Variants in BCL2L13 observed in about 807,000 individuals in gnomAD.
The protein encoded by BCL2L13 is BCL2 like 13.
In BCL2L13, 13 loss-of-function variants were observed where a neutral mutation model predicts 25.8. The ratio of observed to expected loss-of-function variants is 0.50; its 90% CI spans 0.33 to 0.80. BCL2L13 has a LOEUF of 0.80. Among genes scored for constraint, BCL2L13 ranks in the 30% least tolerant of loss-of-function variants. The pLI, the probability that BCL2L13 is intolerant of heterozygous loss-of-function variation, is 0.02. For missense variants in BCL2L13, 504 were observed against 574.9 expected (o/e 0.88, Z 1.26); for synonymous variants, 244 against 230.3 (o/e 1.06, Z -0.54).
chr22:17,706,901 A>G (rs1253091276), intron 6 of BCL2L13: 51 of 1,164,252 alleles, frequency 4.4e-5, no homozygotes, highest in Non-Finnish European at 6.0e-5. Context: ...TAGATTCCAT[A>G]AAAGATTACT....
chr22:17,706,674 G>T (rs2060600553), intron 6 of BCL2L13: 1 of 1,321,934 alleles, frequency 7.6e-7, no homozygotes, highest in Non-Finnish European at 9.9e-7. Flanking sequence ...TTGCCCTGCA[G>T]CCCGGTGAGG....
chr22:17,654,516 G>A (rs945436331), intron 1 of BCL2L13, among the ~76,000 whole-genome samples: 1 of 151,764 alleles, frequency 6.6e-6, no homozygotes. Flanking sequence ...TCCGCCTTCC[G>A]GGTTTATGCC....
chr22:17,628,917 C>T, exon 1 of BCL2L13: 1 of 510,286 alleles, frequency 2.0e-6, no homozygotes. Flanking sequence ...GTATTTTTTT[C>T]CTAAACTGGG....
chr22:17,721,329 G>A (rs1207892557), intron 6 of BCL2L13, among the ~76,000 whole-genome samples: 1 of 152,100 alleles, frequency 6.6e-6, no homozygotes, highest in Non-Finnish European at 1.5e-5. Flanking sequence ...GGAAGTAGCA[G>A]AGCCCTGTTC....
intron 2 of BCL2L13, among the ~76,000 whole-genome samples, chr22:17,670,612 G>A (rs893327058): frequency 1.3e-5 from 2 of 152,036 alleles, no homozygotes; most frequent in Non-Finnish European, 2.9e-5. Flanking sequence ...GACCTCGGCT[G>A]CTTCGGCCTC....
Position 17,730,544 on chromosome 22 carries a change from G to A in BCL2L13, c.*3010G>A, listed in dbSNP as rs2145860501. The A allele has an allele frequency of 6.6e-6, 1 of 152,266 alleles. No homozygotes were observed. Among genetic ancestry groups the A allele is most frequent in the Admixed American group, 6.5e-5 (1 of 15,286 alleles). The allele number at this position is 152,266 out of a possible 1,614,324, so 9.4% of individuals were successfully genotyped here. On this transcript the variant is annotated 3_prime_UTR_variant, in exon 7 of 7. Coordinates refer to ENST00000317582, the MANE Select transcript of BCL2L13 (RefSeq NM_015367.4). ...TAGTCTCCTTGCCTTTCTCCTGAAA[G>A]GTATGAGATGTGGACATTTCAGTGT...
At chr22:17,658,203 A>G (rs1417859172) in intron 2 of BCL2L13, among the ~76,000 whole-genome samples, 1 of 151,772 alleles carries the variant, frequency 6.6e-6, no homozygotes, top group Non-Finnish European at 1.5e-5. Flanking sequence ...GCAAATTTTA[A>G]TTCATTTTTT....
chr22:17,673,606 T>C (rs1325824265), intron 2 of BCL2L13, among the ~76,000 whole-genome samples: 2 of 151,436 alleles, frequency 1.3e-5, no homozygotes, highest in African/African-American at 2.4e-5. Flanking sequence ...CTCGATCTCC[T>C]GACCTCGTGA....
At chr22:17,723,735 C>A (rs367599860) in intron 6 of BCL2L13, among the ~76,000 whole-genome samples, 18 of 152,182 alleles carry the variant, frequency 1.2e-4, no homozygotes, top group East Asian at 3.9e-4. Flanking sequence ...GAGATTGAGA[C>A]CATCCTGGCC....
At chr22:17,683,882 T>TTATTAC (rs1489805198) in intron 3 of BCL2L13, among the ~76,000 whole-genome samples, 43 of 132,580 alleles carry the variant, frequency 3.2e-4, no homozygotes, top group African/African-American at 1.1e-3. Context: ...ATTATTATTA[T>TTATTAC]TACTATTTCA....
intron 1 of BCL2L13, among the ~76,000 whole-genome samples, chr22:17,653,920 C>T (rs1031417371): frequency 4.7e-5 from 7 of 147,754 alleles, no homozygotes; most frequent in African/African-American, 7.7e-5. Context: ...TAAATTTTGC[C>T]GACATTGCCT....
In BCL2L13 at chr22:17,723,570, T is replaced by C. The variant is rs187018958; in HGVS notation, c.601-3107T>C. Among the ~76,000 whole-genome samples the C allele has an allele frequency of 3.0e-3, 458 of 152,262 alleles. 5 individuals carry two copies. The highest frequency in any genetic ancestry group is 0.01 in the African/African-American group (423 of 41,548). On this transcript the variant is annotated intron_variant, in intron 6 of 6. Transcript: ENST00000317582. ...ACAATTAAAATGACAACACAAACAA[T>C]AGCAAGTTATGAAATAGCATAACTT... is the stretch of plus-strand genomic sequence containing the variant.
chr22:17,693,748 T>A (rs1473642110), intron 4 of BCL2L13, among the ~76,000 whole-genome samples: 3 of 151,804 alleles, frequency 2.0e-5, no homozygotes, highest in Non-Finnish European at 2.9e-5. Flanking sequence ...TCTTTTTTTT[T>A]AATTTGAGAT....
At chr22:17,698,790 C>G (rs2060347040) in intron 5 of BCL2L13, among the ~76,000 whole-genome samples, 1 of 152,058 alleles carries the variant, frequency 6.6e-6, no homozygotes, top group Non-Finnish European at 1.5e-5. Flanking sequence ...TAGTTACTCC[C>G]CATTTTCTTT....
At chr22:17,643,185 G>A (rs2058349775) in intron 1 of BCL2L13, among the ~76,000 whole-genome samples, 1 of 152,192 alleles carries the variant, frequency 6.6e-6, no homozygotes, top group South Asian at 2.1e-4. Context: ...AAAGGGGGTA[G>A]TGTCTACACT....
rs1248770031 is a variant in BCL2L13, at chr22:17,730,475, C to G, written c.*2941C>G. ...GACCCACAGCTACTGTTCATTTCCT[C>G]AGGCTTTGCGCTGATTCCCTCAATA... On this transcript the variant is annotated 3_prime_UTR_variant, in exon 7 of 7. Coordinates refer to ENST00000317582, the MANE Select transcript of BCL2L13 (RefSeq NM_015367.4). The G allele has an allele frequency of 6.6e-6, 1 of 152,174 alleles. No homozygotes were observed. Among genetic ancestry groups the G allele is most frequent in the East Asian group, 1.9e-4 (1 of 5,198 alleles). 9.4% of individuals were successfully genotyped at this position (152,174 alleles called of 1,614,324 possible).
intron 1 of BCL2L13, among the ~76,000 whole-genome samples, chr22:17,652,245 C>A (rs1383266628): frequency 6.6e-6 from 1 of 151,786 alleles, no homozygotes; most frequent in East Asian, 1.9e-4. Flanking sequence ...GCCATGTTGC[C>A]CAGGCTTGTC....
chr22:17,642,825 T>A (rs961079998), intron 1 of BCL2L13, among the ~76,000 whole-genome samples: 2 of 151,668 alleles, frequency 1.3e-5, no homozygotes, highest in Non-Finnish European at 2.9e-5. Flanking sequence ...TCAAATTCTT[T>A]GACTCAAGTG....
rs1401824247 is a variant in BCL2L13 at position 17,659,286 on chromosome 22, C to T, written c.121+3454C>T. ...GGCTGAGGTGGCAGAATTGCTTGAA[C>T]CTGGGAAGCAGAGGTTGCAGTGAGC... On this transcript the variant is annotated intron_variant, in intron 2 of 6. Coordinates refer to ENST00000317582, the MANE Select transcript of BCL2L13 (RefSeq NM_015367.4). 2.1e-5 allele frequency among the ~76,000 whole-genome samples: 3 copies of T among 145,594 alleles called. 1 individual carries two copies. Among genetic ancestry groups the T allele is most frequent in the Non-Finnish European group, 4.7e-5 (3 of 64,116 alleles).
Sources: gnomAD v4.1 joint callset for allele counts (sites outside exome capture counted in the v4.1 genomes callset) on GRCh38, gnomAD v4.1.1 for gene constraint, MANE v1.5 for transcripts, NCBI Gene and HGNC (gene_info 2026-07-23, HGNC 2026-07-21) for gene names.